CALN1: variants seen among roughly 807,000 people sequenced by gnomAD.
The protein encoded by CALN1 is calcium-binding protein 8.
Under a neutral mutation model 30.6 loss-of-function variants are expected in CALN1, and 17 were observed. The observed-to-expected ratio is 0.56, with a 90% CI of 0.38 to 0.83. The LOEUF is 0.83. Among genes scored for constraint, CALN1 ranks in the 40% least tolerant of loss-of-function variants. CALN1 has a pLI of 0.00. For synonymous variants in CALN1, 156 were observed against 131.4 expected, an observed-to-expected ratio of 1.19 and a Z score of -1.28; for missense variants, 291 against 354.9, an observed-to-expected ratio of 0.82 and a Z score of 1.45.
chr7:71,906,979 G>A (rs1794172190), intron 5 of CALN1, among the ~76,000 whole-genome samples: 2 of 152,052 alleles, frequency 1.3e-5, no homozygotes, highest in African/African-American at 4.8e-5. Context: ...TTCCCCACCC[G>A]GTTCAGGTGA....
At chr7:72,354,634 C>G (rs1374067816) in intron 2 of CALN1, among the ~76,000 whole-genome samples, 1 of 152,180 alleles carries the variant, frequency 6.6e-6, no homozygotes, top group Non-Finnish European at 1.5e-5. Context: ...AATAGACTCA[C>G]TTGCGTGTGA....
chr7:72,336,925 G>T (rs1271526253), intron 2 of CALN1: 11 of 984,858 alleles, frequency 1.1e-5, no homozygotes, highest in Non-Finnish European at 1.3e-5. Flanking sequence ...CCCCACGCGC[G>T]CGCCGGGACC....
intron 5 of CALN1, among the ~76,000 whole-genome samples, chr7:72,009,516 C>T (rs1359946732): frequency 6.6e-6 from 1 of 152,124 alleles, no homozygotes; most frequent in Non-Finnish European, 1.5e-5. Context: ...GATTCAAAGG[C>T]CATTTGAGAA....
chr7:72,480,126 G>A, the CALN1 span, among the ~76,000 whole-genome samples: 1 of 152,170 alleles, frequency 6.6e-6, no homozygotes, highest in Non-Finnish European at 1.5e-5. Flanking sequence ...TTCTGGCACT[G>A]GCCGAGAATC....
chr7:72,270,809 A>G (rs1365688230), intron 3 of CALN1, among the ~76,000 whole-genome samples: 1 of 152,202 alleles, frequency 6.6e-6, no homozygotes, highest in Non-Finnish European at 1.5e-5. Flanking sequence ...TAAGCCAAGG[A>G]ATAACCTAAC....
chr7:72,471,460 C>T, the CALN1 span, among the ~76,000 whole-genome samples: 1 of 152,222 alleles, frequency 6.6e-6, no homozygotes, highest in Non-Finnish European at 1.5e-5. Context: ...GGGGAACACA[C>T]TCTCTCTGTC....
At chr7:72,291,014 C>T in intron 2 of CALN1, among the ~76,000 whole-genome samples, 1 of 151,678 alleles carries the variant, frequency 6.6e-6, no homozygotes, top group Admixed American at 6.6e-5. Context: ...ACCTCTGCCT[C>T]CCGGGTTCAA....
chr7:72,485,687 A>G, the CALN1 span, among the ~76,000 whole-genome samples: 1 of 152,180 alleles, frequency 6.6e-6, no homozygotes, highest in Admixed American at 6.5e-5. Context: ...CCTGGCCAAC[A>G]TGGTGAAACC....
rs7791156 is a variant in CALN1 at position 72,397,716 on chromosome 7, A to T, written c.119+5535T>A. Among the ~76,000 whole-genome samples, 256 of 54,290 alleles carry T rather than the reference A, an allele frequency of 4.7e-3. 1 individual carries two copies. The highest frequency in any genetic ancestry group is 9.6e-3 in the African/African-American group (162 of 16,834). The allele number at this position is 54,290 out of a possible 152,430, so 35.6% of individuals were successfully genotyped here. ...TCTTGGAGAGCACCCATTCTCTCTCACACACACACACACACACACACACAC... is the reference window on the plus strand; with the variant it reads ...TCTTGGAGAGCACCCATTCTCTCTCTCACACACACACACACACACACACAC... On this transcript the variant is annotated intron_variant, in intron 2 of 6. Coordinates refer to ENST00000395275, the MANE Select transcript of CALN1 (RefSeq NM_031468.4).
At chr7:71,999,426 C>T (rs981301163) in intron 5 of CALN1, among the ~76,000 whole-genome samples, 2 of 152,146 alleles carry the variant, frequency 1.3e-5, no homozygotes, top group Admixed American at 6.5e-5. Flanking sequence ...CTAGGGAGAA[C>T]AATCAGTATG....
intron 2 of CALN1, among the ~76,000 whole-genome samples, chr7:72,390,883 C>G (rs79972385): frequency 0.017 from 2,532 of 152,258 alleles, 64 homozygotes; most frequent in African/African-American, 0.057. Flanking sequence ...GTTGTTACCT[C>G]AAGTATTCTA....
chr7:72,462,479 C>T, the CALN1 span, among the ~76,000 whole-genome samples: 3 of 152,198 alleles, frequency 2.0e-5, no homozygotes, highest in Non-Finnish European at 2.9e-5. Flanking sequence ...GCCACCGCAA[C>T]CAGCTTGTCC....
At chr7:72,409,797 A>G (rs1257084085) in intron 1 of CALN1, among the ~76,000 whole-genome samples, 1 of 152,112 alleles carries the variant, frequency 6.6e-6, no homozygotes, top group Non-Finnish European at 1.5e-5. Flanking sequence ...CCCAATTCAA[A>G]GAATCACCAA....
chr7:72,396,042 C>T (rs1323674047), intron 2 of CALN1, among the ~76,000 whole-genome samples: 1 of 151,660 alleles, frequency 6.6e-6, no homozygotes. Context: ...AGCTCTTGTT[C>T]CCTCCAGAAT....
At chr7:72,394,157 A>T (rs1805764451) in intron 2 of CALN1, among the ~76,000 whole-genome samples, 3 of 152,200 alleles carry the variant, frequency 2.0e-5, no homozygotes, top group Middle Eastern at 3.4e-3. Flanking sequence ...CATCATGAAG[A>T]CACTTCTCTT....
intron 5 of CALN1, among the ~76,000 whole-genome samples, chr7:72,020,780 T>C (rs1800658863): frequency 6.6e-6 from 1 of 152,198 alleles, no homozygotes; most frequent in Non-Finnish European, 1.5e-5. Flanking sequence ...GCAGTCCATA[T>C]ATTGTAAGAG....
the CALN1 span, among the ~76,000 whole-genome samples, chr7:72,487,890 A>AAAGAAAGAAAG: frequency 5.1e-4 from 31 of 60,278 alleles, 1 homozygote; most frequent in African/African-American, 2.5e-3. Flanking sequence ...GAAAGAAAAG[A>AAAGAAAGAAAG]AAAGAAAGAA....
At chr7:72,345,225 G>A (rs1469088926) in intron 2 of CALN1, among the ~76,000 whole-genome samples, 2 of 150,582 alleles carry the variant, frequency 1.3e-5, no homozygotes, top group African/African-American at 4.9e-5. Context: ...TTGGAAAGTG[G>A]AGGCGTCATT....
At chr7:72,455,327 G>A in the CALN1 span, among the ~76,000 whole-genome samples, 199 of 114,486 alleles carry the variant, frequency 1.7e-3, no homozygotes, top group African/African-American at 6.4e-3. Flanking sequence ...ATATATGTGT[G>A]TGTGTGTGTG....
Sources: allele counts gnomAD v4.1 joint callset (sites outside exome capture counted in the v4.1 genomes callset), GRCh38; gene constraint gnomAD v4.1.1; transcripts MANE v1.5; gene names NCBI Gene and HGNC (gene_info 2026-07-23, HGNC 2026-07-21).